The following BCR variants were observed in gnomAD, a reference collection of about 807,000 sequenced individuals.
The protein encoded by BCR is BCR activator of RhoGEF and GTPase, also known as breakpoint cluster region protein.
In BCR, 58 loss-of-function variants were observed where a neutral mutation model predicts 138.6. The observed-to-expected ratio is 0.42, with a 90% CI of 0.34 to 0.52. The LOEUF is 0.52. Among genes scored for constraint, BCR ranks in the 20% least tolerant of loss-of-function variants. The pLI, the probability that BCR is intolerant of heterozygous loss-of-function variation, is 0.06. For missense variants in BCR, 1,599 were observed against 1,727.2 expected (o/e 0.93, Z 1.32); for synonymous variants, 786 against 730.1 (o/e 1.08, Z -1.23).
chr22:23,244,378 TG>T (rs900724344), intron 1 of BCR, among the ~76,000 whole-genome samples: 19 of 152,306 alleles, frequency 1.2e-4, no homozygotes, highest in African/African-American at 4.3e-4. Context: ...CGTGTTCCTT[TG>T]GGGGCCCACT....
At chr22:23,257,425 GT>G (rs1261633917) in intron 2 of BCR, among the ~76,000 whole-genome samples, 1 of 152,216 alleles carries the variant, frequency 6.6e-6, no homozygotes, top group African/African-American at 2.4e-5. Context: ...CTCACACTGG[GT>G]GGGGCTGTCA....
In BCR at chr22:23,189,211, C is replaced by G. The variant is rs117530453; in HGVS notation, c.1279+6972C>G. Among the ~76,000 whole-genome samples the G allele has an allele frequency of 2.0e-3, 297 of 152,240 alleles. 2 individuals carry two copies. Among genetic ancestry groups the G allele is most frequent in the African/African-American group, 6.8e-3 (283 of 41,534 alleles). On this transcript the variant is annotated intron_variant, in intron 1 of 22. Coordinates refer to ENST00000305877, the MANE Select transcript of BCR (RefSeq NM_004327.4). The stretch of plus-strand genomic sequence containing the variant: ...TTTCTCCATTTTTAAGTGTACAGTT[C>G]AGTGGCATTAAGTACATCACCTTGT...
At chr22:23,246,435 A>G (rs2073157725) in intron 1 of BCR, among the ~76,000 whole-genome samples, 1 of 152,128 alleles carries the variant, frequency 6.6e-6, no homozygotes, top group South Asian at 2.1e-4. Flanking sequence ...TCTTGTGAAT[A>G]ATGCTTCTGT....
At chr22:23,248,827 C>T (rs2073187045) in intron 1 of BCR, among the ~76,000 whole-genome samples, 1 of 152,214 alleles carries the variant, frequency 6.6e-6, no homozygotes, top group Non-Finnish European at 1.5e-5. Flanking sequence ...AAGGATGTGG[C>T]TGATGAGACC....
At chr22:23,212,881 T>G (rs1252926804) in intron 1 of BCR, among the ~76,000 whole-genome samples, 2 of 152,226 alleles carry the variant, frequency 1.3e-5, no homozygotes, top group African/African-American at 4.8e-5. Context: ...GACCAGAATA[T>G]GAATTACTTG....
At chr22:23,275,482 C>T (rs561689497) in intron 8 of BCR, among the ~76,000 whole-genome samples, 11 of 152,312 alleles carry the variant, frequency 7.2e-5, no homozygotes, top group African/African-American at 2.2e-4. Context: ...GCATTGAAGG[C>T]GGAAGTGGGT....
chr22:23,269,397 G>A (rs555405270), intron 5 of BCR, among the ~76,000 whole-genome samples: 4 of 152,210 alleles, frequency 2.6e-5, no homozygotes, highest in Non-Finnish European at 5.9e-5. Context: ...AAAGCCCTCC[G>A]TGTGAGAACC....
chr22:23,290,908 A>G (rs2073778853), intron 14 of BCR: 1 of 178,616 alleles, frequency 5.6e-6, no homozygotes, highest in African/African-American at 2.3e-5. Flanking sequence ...CATGAGTTGC[A>G]CTGTGTAAGT....
At chr22:23,275,059 C>T (rs928263777) in intron 8 of BCR, among the ~76,000 whole-genome samples, 2 of 152,168 alleles carry the variant, frequency 1.3e-5, no homozygotes, top group Non-Finnish European at 2.9e-5. Context: ...CTTTCCTCCT[C>T]CTGCCCTGGG....
intron 4 of BCR, chr22:23,263,396 C>A (rs2073396036): frequency 8.0e-6 from 10 of 1,244,602 alleles, no homozygotes; most frequent in Non-Finnish European, 1.2e-5. Flanking sequence ...ACCTGATGAC[C>A]AGTGTCCCAG....
Position 23,273,652 on chromosome 22 carries a change from C to T in BCR, c.1993C>T (p.Pro665Ser). 6.2e-7 allele frequency: 1 copy of T among 1,613,934 alleles called. No individual in the cohort carries two copies. Among genetic ancestry groups the T allele is most frequent in the Non-Finnish European group, 8.5e-7 (1 of 1,180,002 alleles). Residue 665 changes from proline (P) to serine (S), a missense_variant, in exon 8 of 23, where the codon CCT becomes TCT. Pro to Ser is a moderately conservative substitution (Grantham distance 74, BLOSUM62 -1). Around this residue, in one of 4 missense-constraint regions of BCR, gnomAD observed 590 missense variants for 762.4 expected, o/e 0.77. Transcript: ENST00000305877. ...GGGGCAGGACTTGCTGAAGCACACTCCTGCCAGCCACCCTGACCACCCCTT... is the reference window on the plus strand; with the variant it reads ...GGGGCAGGACTTGCTGAAGCACACTTCTGCCAGCCACCCTGACCACCCCTT... ...LVLHDLLKHT[P>S]ASHPDHPLLQ...
chr22:23,232,241 G>A (rs899874206), intron 1 of BCR, among the ~76,000 whole-genome samples: 4 of 152,242 alleles, frequency 2.6e-5, no homozygotes, highest in African/African-American at 7.2e-5. Context: ...TGTAAAGCAC[G>A]GTGCCTAGCA....
At chr22:23,197,935 T>A (rs181319895) in intron 1 of BCR, among the ~76,000 whole-genome samples, 2 of 152,054 alleles carry the variant, frequency 1.3e-5, no homozygotes, top group East Asian at 3.9e-4. Context: ...GCTGGCAGGT[T>A]TCAGGGCCTT....
chr22:23,282,244 C>T (rs140930407), intron 8 of BCR, among the ~76,000 whole-genome samples: 1 of 152,244 alleles, frequency 6.6e-6, no homozygotes, highest in African/African-American at 2.4e-5. Flanking sequence ...AGCGCTCCAG[C>T]TCTACATGAT....
intron 1 of BCR, among the ~76,000 whole-genome samples, chr22:23,200,114 A>G (rs1207398893): frequency 1.3e-5 from 2 of 151,738 alleles, no homozygotes; most frequent in South Asian, 2.1e-4. Context: ...AAGACAAGGC[A>G]TATGACAGGG....
rs553497068 is a variant in BCR at position 23,188,288 on chromosome 22, G to A, written c.1279+6049G>A. Among the ~76,000 whole-genome samples, 113 of 152,354 alleles carry A rather than the reference G, an allele frequency of 7.4e-4. 1 individual carries two copies. Among genetic ancestry groups the A allele is most frequent in the African/African-American group, 2.6e-3 (107 of 41,582 alleles). On this transcript the variant is annotated intron_variant, in intron 1 of 22. Coordinates refer to ENST00000305877, the MANE Select transcript of BCR (RefSeq NM_004327.4). ...TGACTTGTTTTGGGAACAGAATGGAGCATTCTGAAACATTTCACTGAAGAA... is the reference window on the plus strand; with the variant it reads ...TGACTTGTTTTGGGAACAGAATGGAACATTCTGAAACATTTCACTGAAGAA...
rs1032744220 is a variant in BCR, at chr22:23,181,512, C to A, written c.552C>A (p.His184Gln). Residue 184 changes from histidine to glutamine, a missense_variant, in exon 1 of 23, where the codon CAC becomes CAA. Coordinates refer to ENST00000305877, the MANE Select transcript of BCR (RefSeq NM_004327.4). ...TCTACGTGAACGTCGAGTTTCACCACGAGCGCGGCCTGGTGAAGGTCAACG... is the reference window on the plus strand; with the variant it reads ...TCTACGTGAACGTCGAGTTTCACCAAGAGCGCGGCCTGGTGAAGGTCAACG... ...KPFYVNVEFH[H>Q]ERGLVKVNDK... is the part of the protein sequence containing the mutation. The A allele has an allele frequency of 1.2e-6, 2 of 1,612,482 alleles. No individual in the cohort carries two copies. Among genetic ancestry groups the A allele is most frequent in the Admixed American group, 3.3e-5 (2 of 60,006 alleles).
chr22:23,293,429 C>T (rs1267645870), intron 15 of BCR, among the ~76,000 whole-genome samples: 1 of 152,116 alleles, frequency 6.6e-6, no homozygotes, highest in African/African-American at 2.4e-5. Flanking sequence ...TCTCAGCATC[C>T]ACTACTCTTT....
chr22:23,187,551 C>G (rs1277120866), intron 1 of BCR, among the ~76,000 whole-genome samples: 1 of 150,748 alleles, frequency 6.6e-6, no homozygotes, highest in Non-Finnish European at 1.5e-5. Context: ...CCAGGCTGGC[C>G]TCGAACTCCT....
Sources: allele counts gnomAD v4.1 joint callset (sites outside exome capture counted in the v4.1 genomes callset), GRCh38; gene constraint gnomAD v4.1.1; regional missense constraint gnomAD v4.1.1; transcripts MANE v1.5; gene names NCBI Gene and HGNC (gene_info 2026-07-23, HGNC 2026-07-21).